The following KCNH1 variants were observed in gnomAD, a reference collection of about 807,000 sequenced individuals.
KCNH1 encodes voltage-gated delayed rectifier potassium channel KCNH1.
KCNH1 carries 27 observed loss-of-function variants against 69.2 expected under a neutral mutation model. The observed-to-expected ratio is 0.39, with a 90% CI of 0.29 to 0.54. The LOEUF (loss-of-function observed/expected upper bound fraction) is 0.54. Ranked by LOEUF, KCNH1 falls within the 20% of genes least tolerant of loss-of-function variation. The probability of loss-of-function intolerance (pLI) is 0.68; values close to 1 mark genes in which losing one functional copy is unlikely to be tolerated. For synonymous variants in KCNH1, 456 were observed against 487.7 expected (o/e 0.93, Z 0.86); for missense variants, 798 against 1,261.6 (o/e 0.63, Z 5.57).
chr1:210,805,482 C>T (rs987805234), intron 7 of KCNH1, among the ~76,000 whole-genome samples: 6 of 152,074 alleles, frequency 3.9e-5, no homozygotes, highest in African/African-American at 1.4e-4. Context: ...TTTCCACCTG[C>T]CATCTCCAAA....
At chr1:210,956,710 T>C (rs1450038751) in intron 6 of KCNH1, among the ~76,000 whole-genome samples, 1 of 152,166 alleles carries the variant, frequency 6.6e-6, no homozygotes, top group Non-Finnish European at 1.5e-5. Context: ...TAGAGGTGTT[T>C]ATAGTATTCT....
intron 6 of KCNH1, among the ~76,000 whole-genome samples, chr1:210,939,047 C>T (rs889418927): frequency 2.6e-5 from 4 of 152,160 alleles, no homozygotes; most frequent in African/African-American, 9.7e-5. Flanking sequence ...ACAATTGCCT[C>T]TCTGTGAAGC....
intron 4 of KCNH1, among the ~76,000 whole-genome samples, chr1:211,087,623 AC>A: frequency 1.0e-5 from 1 of 99,840 alleles, no homozygotes; most frequent in Non-Finnish European, 2.2e-5. Context: ...ACACACACAC[AC>A]ACACACACAC....
chr1:210,875,802 CA>C (rs201501883), intron 7 of KCNH1, among the ~76,000 whole-genome samples: 42,469 of 122,158 alleles, frequency 0.35, 6,462 homozygotes, highest in African/African-American at 0.49. Context: ...GACACTTTCT[CA>C]AAAAAAAAAA....
At chr1:210,846,275 A>C (rs1330619418) in intron 7 of KCNH1, among the ~76,000 whole-genome samples, 2 of 152,228 alleles carry the variant, frequency 1.3e-5, no homozygotes, top group Non-Finnish European at 2.9e-5. Flanking sequence ...TCGCCAAGTC[A>C]ATCCTAAGCC....
At chr1:210,748,793 C>A (rs2149041298) in intron 10 of KCNH1, among the ~76,000 whole-genome samples, 1 of 152,340 alleles carries the variant, frequency 6.6e-6, no homozygotes, top group African/African-American at 2.4e-5. Flanking sequence ...CACCCCACAG[C>A]CTCCTGTCAC....
intron 5 of KCNH1, among the ~76,000 whole-genome samples, chr1:211,036,141 T>C (rs775350833): frequency 6.6e-6 from 1 of 152,182 alleles, no homozygotes; most frequent in Non-Finnish European, 1.5e-5. Context: ...TGGGGGTTTA[T>C]GTAGTGGGGA....
chr1:211,052,590 A>AAT (rs1462981963), intron 5 of KCNH1, among the ~76,000 whole-genome samples: 3 of 152,190 alleles, frequency 2.0e-5, no homozygotes, highest in Non-Finnish European at 4.4e-5. Flanking sequence ...ACACCCAAAA[A>AAT]AGTTAAAGAG....
At chr1:211,034,612 C>T (rs1689860626) in intron 5 of KCNH1, among the ~76,000 whole-genome samples, 1 of 152,116 alleles carries the variant, frequency 6.6e-6, no homozygotes, top group Non-Finnish European at 1.5e-5. Flanking sequence ...TACATCGTTT[C>T]TTACAACTCT....
intron 4 of KCNH1, among the ~76,000 whole-genome samples, chr1:211,085,349 T>C (rs1436824756): frequency 1.3e-5 from 2 of 151,918 alleles, no homozygotes; most frequent in Non-Finnish European, 2.9e-5. Context: ...ACCTAGAAGG[T>C]AAGTTAAGAA....
intron 10 of KCNH1, among the ~76,000 whole-genome samples, chr1:210,775,085 GA>G (rs1001640875): frequency 2.0e-5 from 3 of 151,468 alleles, no homozygotes; most frequent in East Asian, 1.9e-4. Context: ...ATTGATGGGG[GA>G]AAAAAAAGCC....
intron 3 of KCNH1, among the ~76,000 whole-genome samples, chr1:211,093,960 A>G (rs1283822396): frequency 6.6e-6 from 1 of 152,202 alleles, no homozygotes; most frequent in Non-Finnish European, 1.5e-5. Context: ...TGTGACTTGC[A>G]GGTAACTCTG....
chr1:210,728,261 T>C (rs1682657023), intron 10 of KCNH1, among the ~76,000 whole-genome samples: 1 of 152,182 alleles, frequency 6.6e-6, no homozygotes, highest in Non-Finnish European at 1.5e-5. Flanking sequence ...GTGCCCTCTT[T>C]AGTGACAATC....
intron 10 of KCNH1, among the ~76,000 whole-genome samples, chr1:210,711,459 CTAGGACCTTCTCAT>C (rs1332589786): frequency 6.6e-6 from 1 of 152,202 alleles, no homozygotes; most frequent in African/African-American, 2.4e-5. Context: ...TCATTTCTCA[CTAGGACCTTCTCAT>C]GCTCCTCAGA....
At chr1:210,781,309 G>A (rs1683978230) in intron 9 of KCNH1, among the ~76,000 whole-genome samples, 1 of 152,116 alleles carries the variant, frequency 6.6e-6, no homozygotes, top group African/African-American at 2.4e-5. Flanking sequence ...GCTTCTCTGG[G>A]AGGCTGAGAG....
At chr1:210,985,506 G>T (rs1332146154) in intron 6 of KCNH1, among the ~76,000 whole-genome samples, 2 of 152,156 alleles carry the variant, frequency 1.3e-5, no homozygotes, top group African/African-American at 4.8e-5. Flanking sequence ...TGGTTTCAAA[G>T]AACATCTTTA....
intron 3 of KCNH1, among the ~76,000 whole-genome samples, chr1:211,101,313 C>A (rs761254324): frequency 7.4e-6 from 1 of 134,434 alleles, no homozygotes; most frequent in Non-Finnish European, 1.7e-5. Context: ...GACAAAAAAA[C>A]CATACACACA....
chr1:211,062,400 C>G (rs1690447972), intron 5 of KCNH1, among the ~76,000 whole-genome samples: 2 of 152,100 alleles, frequency 1.3e-5, no homozygotes, highest in Admixed American at 1.3e-4. Flanking sequence ...ATACATTGGA[C>G]TGGGCAAAGA....
chr1:210,692,666 A>G (rs893468231), intron 10 of KCNH1, among the ~76,000 whole-genome samples: 3 of 152,202 alleles, frequency 2.0e-5, no homozygotes, highest in Non-Finnish European at 4.4e-5. Flanking sequence ...TACAAGAGAC[A>G]GGGAAAAATG....
Sources: gnomAD v4.1 joint callset for allele counts (sites outside exome capture counted in the v4.1 genomes callset) on GRCh38, gnomAD v4.1.1 for gene constraint, MANE v1.5 for transcripts, NCBI Gene and HGNC (gene_info 2026-07-23, HGNC 2026-07-21) for gene names.